Variants in TMEM232 observed in about 807,000 individuals in gnomAD.
TMEM232 encodes the protein transmembrane protein 232.
TMEM232 carries 80 observed loss-of-function variants against 78.8 expected under a neutral mutation model. The ratio of observed to expected loss-of-function variants is 1.01; its 90% CI spans 0.85 to 1.22. TMEM232 has a LOEUF of 1.22. TMEM232 is among the 50% of genes most tolerant of loss of function. The pLI, the probability that TMEM232 is intolerant of heterozygous loss-of-function variation, is 0.00. For missense variants in TMEM232, 881 were observed against 742.2 expected (o/e 1.19, Z -2.17); for synonymous variants, 297 against 254.3 (o/e 1.17, Z -1.60).
In TMEM232 at chr5:110,638,180, A is replaced by G. The variant is rs1786149077; in HGVS notation, c.501+18T>C. On this transcript the variant is annotated intron_variant, in intron 5 of 13. Coordinates refer to ENST00000455884, the MANE Select transcript of TMEM232 (RefSeq NM_001039763.4). ...ATGTGAAATATTTAAAAACATTAAG[A>G]AGTTTTTCAAAACATACCTTTGCTA... is the stretch of plus-strand genomic sequence containing the variant. 6.6e-7 allele frequency: 1 copy of G among 1,520,748 alleles called. No homozygotes were observed. The highest frequency in any genetic ancestry group is 1.4e-5 in the African/African-American group (1 of 71,682). The allele number at this position is 1,520,748 out of a possible 1,614,324, so 94.2% of individuals were successfully genotyped here.
intron 11 of TMEM232, among the ~76,000 whole-genome samples, chr5:110,548,821 G>A (rs1193565996): frequency 6.6e-6 from 1 of 151,944 alleles, no homozygotes; most frequent in Admixed American, 6.6e-5. Context: ...ATATTAACAT[G>A]AACCCTAATC....
intron 12 of TMEM232, among the ~76,000 whole-genome samples, chr5:110,506,344 C>T (rs1766899802): frequency 6.6e-6 from 1 of 152,018 alleles, no homozygotes; most frequent in African/African-American, 2.4e-5. Context: ...TTTTTAAAAT[C>T]TACTTGAGTT....
intron 10 of TMEM232, among the ~76,000 whole-genome samples, chr5:110,594,153 G>A (rs1779870462): frequency 1.3e-5 from 2 of 151,802 alleles, no homozygotes; most frequent in Admixed American, 6.6e-5. Flanking sequence ...AGCCCACGGA[G>A]GGCAAGCAGA....
chr5:110,485,201 T>C (rs183358732), intron 12 of TMEM232, among the ~76,000 whole-genome samples: 59 of 152,176 alleles, frequency 3.9e-4, no homozygotes, highest in Middle Eastern at 3.4e-3. Context: ...AAAACAACCA[T>C]GCAGCTAACT....
intron 8 of TMEM232, among the ~76,000 whole-genome samples, chr5:110,612,534 A>G (rs1386124846): frequency 6.6e-6 from 1 of 152,168 alleles, no homozygotes; most frequent in Non-Finnish European, 1.5e-5. Context: ...AGTAGGATCA[A>G]GGATATAAAT....
rs1213324351 is a variant in TMEM232, at chr5:110,419,982, C to G, written c.*598G>C. 1 of 152,164 alleles carries G rather than the reference C, an allele frequency of 6.6e-6. No individual in the cohort carries two copies. The highest frequency in any genetic ancestry group is 1.5e-5 in the Non-Finnish European group (1 of 68,054). 9.4% of individuals were successfully genotyped at this position (152,164 alleles called of 1,614,324 possible). ...AGAACAGAGTAAAACCACCATCTCTCAGGAATCCCCTCTGGCATCTGTTAA... is the reference window on the plus strand; with the variant it reads ...AGAACAGAGTAAAACCACCATCTCTGAGGAATCCCCTCTGGCATCTGTTAA... On this transcript the variant is annotated 3_prime_UTR_variant, in exon 14 of 14. Coordinates refer to ENST00000455884, the MANE Select transcript of TMEM232 (RefSeq NM_001039763.4).
intron 12 of TMEM232, among the ~76,000 whole-genome samples, chr5:110,462,732 C>T (rs1761669635): frequency 6.6e-6 from 1 of 152,114 alleles, no homozygotes; most frequent in African/African-American, 2.4e-5. Flanking sequence ...TGAATAAACT[C>T]CCCTTTATAT....
chr5:110,535,676 G>A (rs1772244237), intron 11 of TMEM232, among the ~76,000 whole-genome samples: 1 of 152,044 alleles, frequency 6.6e-6, no homozygotes, highest in Admixed American at 6.6e-5. Context: ...AGATATTATG[G>A]TGAACTCTGG....
At chr5:110,734,618 A>G (rs1798985901) in intron 2 of TMEM232, among the ~76,000 whole-genome samples, 1 of 152,170 alleles carries the variant, frequency 6.6e-6, no homozygotes, top group Non-Finnish European at 1.5e-5. Flanking sequence ...CAATTAAGAA[A>G]ATTTATACCC....
chr5:110,424,232 A>G (rs1235409364), intron 13 of TMEM232, among the ~76,000 whole-genome samples: 1 of 152,196 alleles, frequency 6.6e-6, no homozygotes, highest in East Asian at 1.9e-4. Context: ...TGCATTATAT[A>G]TGCTATATAT....
chr5:110,453,454 A>G (rs1481975855), intron 12 of TMEM232, among the ~76,000 whole-genome samples: 3 of 152,060 alleles, frequency 2.0e-5, no homozygotes, highest in Non-Finnish European at 2.9e-5. Context: ...GGCATGCTCC[A>G]CCACGTCCAG....
intron 11 of TMEM232, among the ~76,000 whole-genome samples, chr5:110,531,980 GAA>G (rs1314137830): frequency 6.6e-6 from 1 of 152,046 alleles, no homozygotes; most frequent in African/African-American, 2.4e-5. Context: ...TACAATCACA[GAA>G]AAAAGTTGCA....
At chr5:110,568,754 T>TG in intron 10 of TMEM232, 129 bp from the exon 11 acceptor site, 2 of 962,470 alleles carry the variant, frequency 2.1e-6, no homozygotes, top group Non-Finnish European at 2.9e-6. Context: ...AATTCTAAGC[T>TG]GTGGAAATTT....
Position 110,556,417 on chromosome 5 carries a change from C to A in TMEM232, c.1455+12030G>T, listed in dbSNP as rs182457439. On this transcript the variant is annotated intron_variant, in intron 11 of 13. Coordinates refer to ENST00000455884, the MANE Select transcript of TMEM232 (RefSeq NM_001039763.4). ...TCTTTCTTTCTTTCAGGAGGGCATC[C>A]CAATCTGTCACTCAGGCTGGAGTGC... Among the ~76,000 whole-genome samples the A allele has an allele frequency of 4.1e-3, 622 of 151,292 alleles. 3 individuals carry two copies. The highest frequency in any genetic ancestry group is 0.015 in the African/African-American group (598 of 41,176).
intron 12 of TMEM232, among the ~76,000 whole-genome samples, chr5:110,524,431 AAAAGAAAAG>A (rs1770237596): frequency 1.4e-5 from 2 of 142,852 alleles, no homozygotes; most frequent in South Asian, 4.3e-4. Context: ...AAAAGAAAAG[AAAAGAAAAG>A]AAAGGAAAGA....
chr5:110,414,028 G>A (rs937786334), intron 2 of TMEM232, among the ~76,000 whole-genome samples: 2 of 152,150 alleles, frequency 1.3e-5, no homozygotes, highest in East Asian at 1.9e-4. Flanking sequence ...GGGAGAAGCA[G>A]AAATATTTAG....
At chr5:110,542,127 CTTGTGAAAG>C in intron 11 of TMEM232, among the ~76,000 whole-genome samples, 1 of 152,270 alleles carries the variant, frequency 6.6e-6, no homozygotes, top group South Asian at 2.1e-4. Context: ...CACCTGTGAA[CTTGTGAAAG>C]ACCCGAAGTT....
At chr5:110,637,693 C>T (rs1238907482) in intron 5 of TMEM232, among the ~76,000 whole-genome samples, 4 of 151,878 alleles carry the variant, frequency 2.6e-5, no homozygotes, top group African/African-American at 9.7e-5. Flanking sequence ...TTACAGCAGT[C>T]AACCATGATC....
At chr5:110,694,785 C>A (rs1283357987) in intron 1 of TMEM232, among the ~76,000 whole-genome samples, 3 of 152,130 alleles carry the variant, frequency 2.0e-5, no homozygotes, top group Admixed American at 1.3e-4. Flanking sequence ...AATACAGGAG[C>A]ACCAAGATTC....
Sources: gnomAD v4.1 joint callset for allele counts (sites outside exome capture counted in the v4.1 genomes callset) on GRCh38, gnomAD v4.1.1 for gene constraint, MANE v1.5 for transcripts, NCBI Gene and HGNC (gene_info 2026-07-23, HGNC 2026-07-21) for gene names.